CASK: variants seen among roughly 807,000 people sequenced by gnomAD.
The protein encoded by CASK is peripheral plasma membrane protein CASK.
CASK carries 4 observed loss-of-function variants against 82.9 expected under a neutral mutation model. The ratio of observed to expected loss-of-function variants is 0.05; its 90% CI spans 0.02 to 0.11. CASK has a LOEUF of 0.11. Ranked by LOEUF, CASK falls within the 10% of genes least tolerant of loss-of-function variation. CASK has a pLI of 1.00. For missense variants in CASK, 358 were observed against 720.9 expected (o/e 0.50, Z 5.76); for synonymous variants, 259 against 253.5 (o/e 1.02, Z -0.20).
intron 1 of CASK, among the ~76,000 whole-genome samples, chrX:41,865,496 G>A (rs2071575063): frequency 9.0e-6 from 1 of 111,531 alleles, no homozygotes; most frequent in Non-Finnish European, 1.9e-5. Flanking sequence ...TTGCATGACA[G>A]CTGAATTAAA....
At chrX:41,573,890 G>A (rs1308393720) in intron 15 of CASK, among the ~76,000 whole-genome samples, 5 of 111,351 alleles carry the variant, frequency 4.5e-5, no homozygotes, top group African/African-American at 1.6e-4. Flanking sequence ...GTCAGTTTGG[G>A]GCTAATTACT....
chrX:41,788,838 A>T (rs2069663606), intron 2 of CASK, among the ~76,000 whole-genome samples: 2 of 111,884 alleles, frequency 1.8e-5, no homozygotes, highest in Admixed American at 9.5e-5. Flanking sequence ...TCAGTATGCC[A>T]GAGACAATTA....
chrX:41,555,962 T>C (rs1411726611), intron 19 of CASK: 1 of 185,763 alleles, frequency 5.4e-6, no homozygotes, highest in Admixed American at 7.0e-5. Flanking sequence ...CTGTTGCCCT[T>C]TTCAACTTAG....
intron 8 of CASK, among the ~76,000 whole-genome samples, chrX:41,645,339 C>T (rs1177710553): frequency 2.7e-5 from 3 of 111,538 alleles, no homozygotes; most frequent in Non-Finnish European, 5.6e-5. Context: ...AAAAAATTTT[C>T]CTTAAACGAA....
At chrX:41,799,758 G>A (rs1569452822) in intron 2 of CASK, among the ~76,000 whole-genome samples, 2 of 102,857 alleles carry the variant, frequency 1.9e-5, no homozygotes, top group Non-Finnish European at 3.9e-5. Flanking sequence ...AGAACAATAA[G>A]AGGCTGTAGC....
chrX:41,555,918 C>A, intron 19 of CASK: 1 of 173,956 alleles, frequency 5.7e-6, no homozygotes, highest in Non-Finnish European at 9.3e-6. Flanking sequence ...GCAAGTGAAA[C>A]AGCCTATTAA....
intron 5 of CASK, among the ~76,000 whole-genome samples, chrX:41,699,220 C>A (rs752357828): frequency 9.0e-6 from 1 of 111,352 alleles, no homozygotes; most frequent in African/African-American, 3.3e-5. Flanking sequence ...CCACCGCGCC[C>A]GGCCAGTTAA....
intron 2 of CASK, among the ~76,000 whole-genome samples, chrX:41,805,592 T>C (rs1022302298): frequency 7.2e-5 from 8 of 111,322 alleles, no homozygotes; most frequent in Non-Finnish European, 1.5e-4. Context: ...AAGCCATACA[T>C]AGTGTCAGGA....
intron 2 of CASK, among the ~76,000 whole-genome samples, chrX:41,802,156 T>A (rs2070012631): frequency 9.0e-6 from 1 of 111,660 alleles, no homozygotes; most frequent in South Asian, 3.7e-4. Context: ...GTTCCCTGTA[T>A]AAGGCAAAGA....
chrX:41,717,960 G>A (rs2068091296), intron 5 of CASK, among the ~76,000 whole-genome samples: 1 of 112,504 alleles, frequency 8.9e-6, no homozygotes, highest in Non-Finnish European at 1.9e-5. Context: ...GGTAGCTTCA[G>A]GATGGGGCTG....
intron 1 of CASK, among the ~76,000 whole-genome samples, chrX:41,857,411 C>T (rs1222815965): frequency 2.7e-5 from 3 of 111,200 alleles, no homozygotes; most frequent in Non-Finnish European, 5.7e-5. Flanking sequence ...TATACAACAA[C>T]CAAGGCTCCT....
chrX:41,785,329 G>T (rs2069571355), intron 3 of CASK, among the ~76,000 whole-genome samples: 1 of 111,974 alleles, frequency 8.9e-6, no homozygotes, highest in African/African-American at 3.2e-5. Flanking sequence ...TAGCAGGTTT[G>T]CCAGAAAAGA....
At position 41,729,855 on chromosome X, in the gene CASK, T is replaced by C. The variant is rs2068358668; in HGVS notation, c.429+9529A>G. The stretch of plus-strand genomic sequence containing the variant: ...ATAGTTAAGTAAATCACCCCAATTT[T>C]TTCTAATATTTAAGTGAACATTTAA... On this transcript the variant is annotated intron_variant, in intron 5 of 26. Coordinates refer to ENST00000378163, the MANE Select transcript of CASK (RefSeq NM_001367721.1). The C allele has an allele frequency of 3.6e-5, 4 of 110,275 alleles. No individual in the cohort carries two copies. In the South Asian group the frequency reaches 1.9e-3, roughly 53 times the overall value. 9.1% of individuals were successfully genotyped at this position (110,275 alleles called of 1,213,427 possible).
chrX:41,609,709 C>T (rs1399892767), intron 12 of CASK, among the ~76,000 whole-genome samples, 195 bp downstream of exon 12: 1 of 109,590 alleles, frequency 9.1e-6, no homozygotes, highest in Non-Finnish European at 1.9e-5. Flanking sequence ...CAGGCATGCG[C>T]CACCACACCT....
chrX:41,655,207 C>T (rs954311354), intron 8 of CASK, among the ~76,000 whole-genome samples: 10 of 111,090 alleles, frequency 9.0e-5, no homozygotes, highest in Admixed American at 4.8e-4. Context: ...TAATTGGACA[C>T]GCTAACTAGG....
intron 5 of CASK, among the ~76,000 whole-genome samples, chrX:41,703,593 T>C (rs1344028345): frequency 8.9e-6 from 1 of 112,445 alleles, no homozygotes; most frequent in Admixed American, 9.4e-5. Context: ...ATTTCTCCAT[T>C]TCCCCTAACA....
intron 2 of CASK, among the ~76,000 whole-genome samples, chrX:41,831,453 G>A (rs944792585): frequency 5.4e-5 from 6 of 111,946 alleles, no homozygotes; most frequent in Admixed American, 9.5e-5. Flanking sequence ...AACATGCCTG[G>A]CATTTTAAAT....
chrX:41,594,764 C>T (rs1204858715), intron 12 of CASK, among the ~76,000 whole-genome samples: 1 of 111,688 alleles, frequency 9.0e-6, no homozygotes, highest in Non-Finnish European at 1.9e-5. Context: ...TATGTGGTAA[C>T]CCCTGGGGGC....
chrX:41,904,735 C>T (rs1234792238), intron 1 of CASK, among the ~76,000 whole-genome samples: 5 of 111,244 alleles, frequency 4.5e-5, no homozygotes, highest in South Asian at 3.8e-4. Flanking sequence ...TACAATTTTT[C>T]GATCCTAATG....
Sources: gnomAD v4.1 joint callset for allele counts (sites outside exome capture counted in the v4.1 genomes callset) on GRCh38, gnomAD v4.1.1 for gene constraint, MANE v1.5 for transcripts, NCBI Gene and HGNC (gene_info 2026-07-23, HGNC 2026-07-21) for gene names.